LMNTD1: variants seen among roughly 807,000 people sequenced by gnomAD.
LMNTD1 encodes the protein lamin tail domain-containing protein 1.
Under a neutral mutation model 50.9 loss-of-function variants are expected in LMNTD1, and 35 were observed. That is an observed-to-expected ratio of 0.69 (90% CI 0.53 to 0.91). The LOEUF (loss-of-function observed/expected upper bound fraction) is 0.91, where lower values mean the gene tolerates loss of function less well. LMNTD1 is among the 40% of genes least tolerant of loss of function. LMNTD1 has a pLI of 0.00. For synonymous variants in LMNTD1, 153 were observed against 161.9 expected, an observed-to-expected ratio of 0.94 and a Z score of 0.42; for missense variants, 470 against 475.5, an observed-to-expected ratio of 0.99 and a Z score of 0.11.
intron 1 of LMNTD1, among the ~76,000 whole-genome samples, chr12:25,637,091 A>G (rs1193134006): frequency 2.0e-5 from 3 of 152,194 alleles, no homozygotes; most frequent in Non-Finnish European, 2.9e-5. Flanking sequence ...CCACTAAAAA[A>G]CTTGCTCATG....
chr12:25,577,627 A>AC (rs1945089937), intron 1 of LMNTD1, among the ~76,000 whole-genome samples: 1 of 152,192 alleles, frequency 6.6e-6, no homozygotes, highest in Admixed American at 6.5e-5. Flanking sequence ...TGTCATCTGC[A>AC]AACAGGGACA....
At chr12:25,614,997 T>C (rs981083309) in intron 1 of LMNTD1, among the ~76,000 whole-genome samples, 5 of 152,198 alleles carry the variant, frequency 3.3e-5, no homozygotes, top group Admixed American at 1.3e-4. Flanking sequence ...AATGACATCA[T>C]TTTTAATTAA....
At chr12:25,631,815 G>C (rs1402486001) in intron 1 of LMNTD1, among the ~76,000 whole-genome samples, 1 of 152,126 alleles carries the variant, frequency 6.6e-6, no homozygotes, top group African/African-American at 2.4e-5. Context: ...TGATTTACCT[G>C]AAAAAGAATT....
At chr12:25,581,625 T>C (rs1398220796) in intron 1 of LMNTD1, among the ~76,000 whole-genome samples, 2 of 152,204 alleles carry the variant, frequency 1.3e-5, no homozygotes, top group African/African-American at 2.4e-5. Flanking sequence ...TTAAATCTAG[T>C]TTAGAAAATA....
At chr12:25,598,698 A>AAT (rs1210568797) in intron 1 of LMNTD1, among the ~76,000 whole-genome samples, 2 of 151,848 alleles carry the variant, frequency 1.3e-5, no homozygotes, top group Non-Finnish European at 2.9e-5. Flanking sequence ...ATAAAAAAAA[A>AAT]ATCATGAGTA....
At chr12:25,499,441 G>A (rs1398851691) in intron 9 of LMNTD1, among the ~76,000 whole-genome samples, 2 of 152,048 alleles carry the variant, frequency 1.3e-5, no homozygotes, top group Non-Finnish European at 2.9e-5. Context: ...TCTGTAATGT[G>A]CACTTGTTTA....
intron 1 of LMNTD1, among the ~76,000 whole-genome samples, chr12:25,619,252 C>CTCTCTCTCTCTCTATATATATATA (rs1374134268): frequency 2.4e-5 from 2 of 84,448 alleles, no homozygotes; most frequent in Non-Finnish European, 4.6e-5. Context: ...CTCTCTCTCT[C>CTCTCTCTCTCTCTATATATATATA]TATATATATA....
At chr12:25,482,773 CCT>C (rs1938484476) in intron 9 of LMNTD1, among the ~76,000 whole-genome samples, 1 of 151,928 alleles carries the variant, frequency 6.6e-6, no homozygotes, top group East Asian at 1.9e-4. Context: ...TTATGTCCTG[CCT>C]CTCACTTGAA....
At position 25,611,053 on chromosome 12, in the gene LMNTD1, A is replaced by G. The variant is rs561278956; in HGVS notation, c.58+37441T>C. On this transcript the variant is annotated intron_variant, in intron 1 of 7. Transcript: ENST00000445693. The stretch of plus-strand genomic sequence containing the variant: ...AGAGGAGTCAAAGAAGCAGAGAAGG[A>G]AAGTGAAGAGAACGAAGAGAACCAG... Among the ~76,000 whole-genome samples, 6 of 152,330 alleles carry G rather than the reference A, an allele frequency of 3.9e-5. No homozygotes were observed. The South Asian group carries it at 1.0e-3, about 26-fold the overall frequency.
chr12:25,546,470 CCAAA>C lies in LMNTD1; in HGVS notation c.391_394del (p.Phe131ValfsTer17), dbSNP rs1483976992. On this transcript the variant is annotated frameshift_variant, in exon 4 of 10. Coordinates refer to ENST00000458174, the MANE Select transcript of LMNTD1 (RefSeq NM_001145728.2). LOFTEE classifies it high-confidence loss of function. ...GTGTGCTGTAAGTTTCTTTGAATCA[CCAAA>C]CAAAGAAAGGAAATAATCTTCTCCA... 1.4e-5 allele frequency: 23 copies of C among 1,599,594 alleles called. No individual in the cohort carries two copies. Among genetic ancestry groups the C allele is most frequent in the Non-Finnish European group, 1.8e-5 (21 of 1,171,218 alleles).
intron 1 of LMNTD1, among the ~76,000 whole-genome samples, chr12:25,612,322 A>C (rs1157500557): frequency 8.0e-6 from 1 of 125,166 alleles, no homozygotes; most frequent in African/African-American, 2.6e-5. Context: ...ACACACACAC[A>C]CACACACGCG....
At chr12:25,616,275 T>C (rs893282697) in intron 1 of LMNTD1, among the ~76,000 whole-genome samples, 1 of 152,184 alleles carries the variant, frequency 6.6e-6, no homozygotes. Context: ...TAATAGTCAA[T>C]ATTTATTTAG....
chr12:25,560,887 C>T (rs546428084), intron 1 of LMNTD1, among the ~76,000 whole-genome samples: 1 of 152,270 alleles, frequency 6.6e-6, no homozygotes, highest in South Asian at 2.1e-4. Context: ...GATTTTGTAT[C>T]CTGAGACTTT....
intron 9 of LMNTD1, among the ~76,000 whole-genome samples, chr12:25,482,895 G>A (rs4963623): frequency 0.65 from 98,390 of 151,720 alleles, 32,539 homozygotes; most frequent in East Asian, 0.95. Flanking sequence ...CTGTCGGGCC[G>A]CAGTGCACTT....
intron 1 of LMNTD1, among the ~76,000 whole-genome samples, chr12:25,622,770 C>G (rs114356847): frequency 0.018 from 2,774 of 152,066 alleles, 83 homozygotes; most frequent in African/African-American, 0.063. Context: ...ACTATGAAAA[C>G]AAACAAAACA....
intron 1 of LMNTD1, among the ~76,000 whole-genome samples, chr12:25,565,429 C>G (rs112499189): frequency 6.6e-6 from 1 of 152,134 alleles, no homozygotes; most frequent in African/African-American, 2.4e-5. Context: ...AACAACTTAA[C>G]ATTGTGGTAT....
At chr12:25,557,699 A>T (rs555756396), upstream of LMNTD1, among the ~76,000 whole-genome samples, 1 of 152,278 alleles carries the variant, frequency 6.6e-6, no homozygotes, top group African/African-American at 2.4e-5. Context: ...CATTTATTTC[A>T]CCTATACTCT....
At chr12:25,547,520 G>T (rs1943504658) in intron 3 of LMNTD1, among the ~76,000 whole-genome samples, 1 of 151,516 alleles carries the variant, frequency 6.6e-6, no homozygotes. Context: ...ATCCTCAAAG[G>T]ATTAAGACAA....
chr12:25,562,424 G>A (rs929672308), intron 1 of LMNTD1, among the ~76,000 whole-genome samples: 21 of 152,150 alleles, frequency 1.4e-4, no homozygotes, highest in Admixed American at 2.0e-4. Flanking sequence ...TGAAATTCTG[G>A]GTTGCAAATT....
Sources: allele counts gnomAD v4.1 joint callset (sites outside exome capture counted in the v4.1 genomes callset), GRCh38; gene constraint gnomAD v4.1.1; transcripts MANE v1.5; gene names NCBI Gene and HGNC (gene_info 2026-07-23, HGNC 2026-07-21).